DAB1: variants seen among roughly 807,000 people sequenced by gnomAD.
The protein encoded by DAB1 is disabled homolog 1.
A neutral mutation model predicts 64.6 loss-of-function variants in DAB1; 15 were observed. The observed-to-expected ratio is 0.23, with a 90% CI of 0.16 to 0.36. The LOEUF is 0.36. Among genes scored for constraint, DAB1 ranks in the 10% least tolerant of loss-of-function variants. DAB1 has a pLI of 1.00. For missense variants in DAB1, 596 were observed against 706.7 expected, an observed-to-expected ratio of 0.84 and a Z score of 1.78; for synonymous variants, 235 against 251.9, an observed-to-expected ratio of 0.93 and a Z score of 0.64.
At chr1:57,252,401 A>G (rs1040427167) in intron 2 of DAB1, among the ~76,000 whole-genome samples, 1 of 152,210 alleles carries the variant, frequency 6.6e-6, no homozygotes, top group Non-Finnish European at 1.5e-5. Flanking sequence ...AATAACAATA[A>G]ACCTCAGGAC....
At chr1:58,139,545 G>T (rs1415303148) in intron 5 of DAB1, among the ~76,000 whole-genome samples, 1 of 152,096 alleles carries the variant, frequency 6.6e-6, no homozygotes, top group Non-Finnish European at 1.5e-5. Context: ...CAGCATGAGG[G>T]GTAACTGCTC....
Position 57,131,930 on chromosome 1 carries a change from T to C in DAB1, c.306+4613A>G, listed in dbSNP as rs560322888. Among the ~76,000 whole-genome samples, 4 of 152,250 alleles carry C rather than the reference T, an allele frequency of 2.6e-5. No individual in the cohort carries two copies. The East Asian group carries it at 7.8e-4, about 30-fold the overall frequency. On this transcript the variant is annotated intron_variant, in intron 4 of 14. Transcript: ENST00000371236. ...GTGCTAGCTAGATAGACAATAGTGA[T>C]GAACAAAAAGATGGGGCCTTATTTA...
chr1:58,380,237 C>T (rs537322442), intron 3 of DAB1, among the ~76,000 whole-genome samples: 19 of 152,296 alleles, frequency 1.2e-4, no homozygotes, highest in Non-Finnish European at 2.1e-4. Context: ...TGGGCAATTT[C>T]CCCCATGCTG....
intron 1 of DAB1, among the ~76,000 whole-genome samples, chr1:58,529,883 A>G (rs542005419): frequency 2.4e-4 from 36 of 151,998 alleles, no homozygotes; most frequent in African/African-American, 8.4e-4. Context: ...TTTTATTTTT[A>G]TTTTTATTTT....
At chr1:57,408,715 T>C (rs1304562199) in intron 1 of DAB1, among the ~76,000 whole-genome samples, 1 of 152,160 alleles carries the variant, frequency 6.6e-6, no homozygotes, top group Admixed American at 6.5e-5. Flanking sequence ...AAACAGCAAG[T>C]GTCTCCCTTC....
At chr1:57,987,234 C>T (rs1316440271) in intron 5 of DAB1, among the ~76,000 whole-genome samples, 1 of 152,196 alleles carries the variant, frequency 6.6e-6, no homozygotes, top group Non-Finnish European at 1.5e-5. Flanking sequence ...GCTCCCTGCA[C>T]AGCATCAGCC....
intron 1 of DAB1, among the ~76,000 whole-genome samples, chr1:57,331,433 C>T: frequency 6.6e-6 from 1 of 152,192 alleles, no homozygotes; most frequent in East Asian, 1.9e-4. Context: ...GGCAGTATGG[C>T]ACCATGGTTA....
At chr1:57,220,769 T>C (rs1367144723) in intron 2 of DAB1, among the ~76,000 whole-genome samples, 1 of 152,102 alleles carries the variant, frequency 6.6e-6, no homozygotes, top group African/African-American at 2.4e-5. Context: ...CTGGAGAGGA[T>C]GTGGAGAAAT....
intron 5 of DAB1, among the ~76,000 whole-genome samples, chr1:57,909,185 G>A (rs1025070778): frequency 6.6e-6 from 1 of 152,242 alleles, no homozygotes; most frequent in African/African-American, 2.4e-5. Flanking sequence ...TCTAGTCTTG[G>A]TTCAGGCTCC....
chr1:57,372,751 A>G (rs1338074628), intron 1 of DAB1, among the ~76,000 whole-genome samples: 1 of 152,204 alleles, frequency 6.6e-6, no homozygotes, highest in African/African-American at 2.4e-5. Flanking sequence ...ATCTTATAAT[A>G]GTATGATATT....
intron 5 of DAB1, among the ~76,000 whole-genome samples, chr1:57,959,716 C>T (rs1645472608): frequency 6.6e-6 from 1 of 152,184 alleles, no homozygotes; most frequent in Admixed American, 6.5e-5. Context: ...GAATTCACAG[C>T]ATCTTTGCAC....
chr1:57,043,281 C>G (rs1177711022), intron 9 of DAB1, among the ~76,000 whole-genome samples: 1 of 152,172 alleles, frequency 6.6e-6, no homozygotes, highest in African/African-American at 2.4e-5. Context: ...TTGATCTCCC[C>G]AAACGTGTTC....
At chr1:58,440,365 A>G (rs1644994718) in intron 3 of DAB1, among the ~76,000 whole-genome samples, 2 of 152,226 alleles carry the variant, frequency 1.3e-5, no homozygotes, top group South Asian at 4.1e-4. Flanking sequence ...AACGAGCAGG[A>G]GGGCCATATT....
intron 2 of DAB1, among the ~76,000 whole-genome samples, chr1:58,516,276 G>A (rs1375971091): frequency 1.3e-5 from 2 of 152,108 alleles, no homozygotes; most frequent in African/African-American, 4.8e-5. Flanking sequence ...CCAAACTTAA[G>A]AAACTGTTAC....
chr1:58,412,597 C>T (rs762042021), intron 3 of DAB1, among the ~76,000 whole-genome samples: 16 of 152,176 alleles, frequency 1.1e-4, no homozygotes, highest in Non-Finnish European at 2.2e-4. Context: ...ATCTACCTTC[C>T]GGGTTAGAAT....
At chr1:57,140,693 C>G (rs1658512532) in intron 3 of DAB1, among the ~76,000 whole-genome samples, 1 of 152,170 alleles carries the variant, frequency 6.6e-6, no homozygotes, top group Admixed American at 6.5e-5. Flanking sequence ...GCACTTCGCA[C>G]AGTATGCAGG....
chr1:58,299,180 C>A (rs762599730), intron 4 of DAB1, among the ~76,000 whole-genome samples: 2 of 152,160 alleles, frequency 1.3e-5, no homozygotes, highest in African/African-American at 2.4e-5. Flanking sequence ...GAGTATCATA[C>A]CTTATTTTAC....
At chr1:58,434,829 A>C (rs528461389) in intron 3 of DAB1, among the ~76,000 whole-genome samples, 1 of 152,240 alleles carries the variant, frequency 6.6e-6, no homozygotes, top group African/African-American at 2.4e-5. Context: ...TTCCTTCTCA[A>C]ACTTCCTGAA....
intron 4 of DAB1, among the ~76,000 whole-genome samples, chr1:57,074,060 G>C (rs1037442427): frequency 2.6e-5 from 4 of 151,984 alleles, no homozygotes; most frequent in Admixed American, 1.3e-4. Context: ...TGTAGAGATG[G>C]GGTTTCACCA....
Sources: gnomAD v4.1 joint callset for allele counts (sites outside exome capture counted in the v4.1 genomes callset) on GRCh38, gnomAD v4.1.1 for gene constraint, MANE v1.5 for transcripts, NCBI Gene and HGNC (gene_info 2026-07-23, HGNC 2026-07-21) for gene names.